The following SLC7A2 variants were observed in gnomAD, a reference collection of about 807,000 sequenced individuals.
SLC7A2 encodes the protein cationic amino acid transporter 2.
SLC7A2 carries 48 observed loss-of-function variants against 58.9 expected under a neutral mutation model. The observed-to-expected ratio is 0.82, with a 90% CI of 0.65 to 1.04. The LOEUF (loss-of-function observed/expected upper bound fraction) is 1.04. SLC7A2 is among the 50% of genes least tolerant of loss of function. The probability of loss-of-function intolerance (pLI) is 0.00; values close to 1 mark genes in which losing one functional copy is unlikely to be tolerated. For missense variants in SLC7A2, 1,029 were observed against 818.8 expected (o/e 1.26, Z -3.13); for synonymous variants, 363 against 314.5 (o/e 1.15, Z -1.63).
chr8:17,547,345 G>T (rs1432100209), intron 4 of SLC7A2, among the ~76,000 whole-genome samples: 1 of 152,062 alleles, frequency 6.6e-6, no homozygotes, highest in Admixed American at 6.6e-5. Context: ...GAACAGCACA[G>T]AAAACCTGCC....
At chr8:17,526,001 G>A (rs1303902874) in intron 2 of SLC7A2, among the ~76,000 whole-genome samples, 1 of 152,006 alleles carries the variant, frequency 6.6e-6, no homozygotes, top group African/African-American at 2.4e-5. Flanking sequence ...ACTAGCTAGT[G>A]GACTCAATCT....
intron 12 of SLC7A2, among the ~76,000 whole-genome samples, chr8:17,563,935 T>C (rs1803145550): frequency 1.3e-5 from 2 of 152,214 alleles, no homozygotes; most frequent in East Asian, 1.9e-4. Context: ...CTTCTACTTA[T>C]GGGTGAAAAA....
intron 2 of SLC7A2, among the ~76,000 whole-genome samples, chr8:17,542,355 G>A (rs914790938): frequency 1.3e-5 from 2 of 152,082 alleles, no homozygotes; most frequent in African/African-American, 4.8e-5. Context: ...ATTTAGTAAG[G>A]CCTGAAAAAT....
At chr8:17,561,906 C>T (rs573102921) in intron 10 of SLC7A2, 38 bp from the exon 11 acceptor site, 2 of 1,603,950 alleles carry the variant, frequency 1.2e-6, no homozygotes, top group Admixed American at 1.7e-5. Flanking sequence ...GGGTGGAGCA[C>T]AGTGTGCTGA....
intron 2 of SLC7A2, among the ~76,000 whole-genome samples, chr8:17,530,573 ATTTTTTTT>A (rs11389186): frequency 3.0e-4 from 42 of 140,476 alleles, no homozygotes; most frequent in African/African-American, 1.0e-3. Context: ...GAGTAAATAG[ATTTTTTTT>A]TTTTTTTTTG....
chr8:17,553,972 T>C (rs1802571702), intron 7 of SLC7A2, among the ~76,000 whole-genome samples: 1 of 152,200 alleles, frequency 6.6e-6, no homozygotes, highest in South Asian at 2.1e-4. Flanking sequence ...ATCTGTATAC[T>C]ACATTTACGT....
intron 2 of SLC7A2, among the ~76,000 whole-genome samples, chr8:17,510,303 T>C (rs1387488203): frequency 6.6e-5 from 10 of 151,920 alleles, no homozygotes; most frequent in Admixed American, 4.6e-4. Flanking sequence ...TGCAGAAACG[T>C]CAAAATTGCC....
chr8:17,545,133 T>C (rs1005635149), intron 4 of SLC7A2, among the ~76,000 whole-genome samples: 1 of 152,200 alleles, frequency 6.6e-6, no homozygotes, highest in Non-Finnish European at 1.5e-5. Context: ...CCAGTTTTTG[T>C]CAGTATTGTA....
chr8:17,551,035 C>T (rs991905286), intron 6 of SLC7A2, among the ~76,000 whole-genome samples: 1 of 152,164 alleles, frequency 6.6e-6, no homozygotes, highest in Non-Finnish European at 1.5e-5. Flanking sequence ...GAAATAACTT[C>T]ATCTGAAGCC....
In SLC7A2 at chr8:17,544,954, T is replaced by C. The variant is rs542611339; in HGVS notation, c.532+348T>C. On this transcript the variant is annotated intron_variant, in intron 4 of 12. Transcript: ENST00000494857. The stretch of plus-strand genomic sequence containing the variant: ...GTAATTTCTTGGCATTATTTCATCT[T>C]GCTAGATACAACTAGGGATATTTGC... Among the ~76,000 whole-genome samples the C allele has an allele frequency of 3.3e-5, 5 of 152,336 alleles. No homozygotes were observed. The South Asian group carries it at 1.0e-3, about 32-fold the overall frequency.
At chr8:17,508,266 GA>G (rs1324208763) in intron 2 of SLC7A2, among the ~76,000 whole-genome samples, 1 of 152,120 alleles carries the variant, frequency 6.6e-6, no homozygotes, top group Non-Finnish European at 1.5e-5. Flanking sequence ...TTTGAATAAT[GA>G]ATAACATATT....
intron 8 of SLC7A2, among the ~76,000 whole-genome samples, chr8:17,556,881 T>C (rs914762772): frequency 6.6e-6 from 1 of 152,108 alleles, no homozygotes; most frequent in Admixed American, 6.5e-5. Flanking sequence ...ACTGCAGGGA[T>C]TACAGGTGTG....
chr8:17,546,818 A>G (rs1335620014), intron 4 of SLC7A2, among the ~76,000 whole-genome samples: 1 of 152,178 alleles, frequency 6.6e-6, no homozygotes, highest in Non-Finnish European at 1.5e-5. Flanking sequence ...TTTCACAGCA[A>G]TCATTTGCTC....
At position 17,560,514 on chromosome 8, in the gene SLC7A2, C is replaced by G; in HGVS notation, c.1485C>G (p.Ser495Arg). The G allele has an allele frequency of 1.2e-6, 2 of 1,613,820 alleles. No homozygotes were observed. Among genetic ancestry groups the G allele is most frequent in the Middle Eastern group, 1.7e-4 (1 of 6,052 alleles). Reference sequence around the variant, plus strand: ...CACAGCAGTCAGCTTCTCTCGTGAGCTTTCTGGTAGGATTCCTAGGTAAGT... The same window carrying G: ...CACAGCAGTCAGCTTCTCTCGTGAGGTTTCTGGTAGGATTCCTAGGTAAGT... ...LPTQQSASLV[S>R]FLVGFLAFLV... Residue 495 changes from serine to arginine, a missense_variant, in exon 10 of 13, where the codon AGC (serine) becomes AGG (arginine). Coordinates refer to ENST00000494857, the MANE Select transcript of SLC7A2 (RefSeq NM_001370338.1).
intron 2 of SLC7A2, among the ~76,000 whole-genome samples, chr8:17,508,713 CA>C (rs563674210): frequency 6.7e-6 from 1 of 150,156 alleles, no homozygotes; most frequent in Non-Finnish European, 1.5e-5. Context: ...GACTCTGTCT[CA>C]AAAAAAATAA....
intron 2 of SLC7A2, among the ~76,000 whole-genome samples, chr8:17,512,303 T>C (rs1800636156): frequency 6.6e-6 from 1 of 151,616 alleles, no homozygotes; most frequent in Non-Finnish European, 1.5e-5. Context: ...TCCTAGCACT[T>C]TGGGAGGCCA....
chr8:17,525,782 G>T (rs555523992), intron 2 of SLC7A2, among the ~76,000 whole-genome samples: 2 of 152,152 alleles, frequency 1.3e-5, no homozygotes, highest in African/African-American at 4.8e-5. Context: ...TCCTGCAAGC[G>T]GGATTTGCTG....
intron 10 of SLC7A2, among the ~76,000 whole-genome samples, chr8:17,561,223 AAGACATACCCAAGACTGGGT>A: frequency 6.6e-6 from 1 of 152,160 alleles, no homozygotes; most frequent in Non-Finnish European, 1.5e-5. Flanking sequence ...ACTGCTAGTA[AAGACATACCCAAGACTGGGT>A]AAATTATAAA....
At chr8:17,556,183 T>C (rs921348025) in intron 8 of SLC7A2, among the ~76,000 whole-genome samples, 5 of 152,212 alleles carry the variant, frequency 3.3e-5, no homozygotes, top group Admixed American at 2.6e-4. Flanking sequence ...GCCCAGATGA[T>C]GTGAAGCCCA....
Sources: allele counts gnomAD v4.1 joint callset (sites outside exome capture counted in the v4.1 genomes callset), GRCh38; gene constraint gnomAD v4.1.1; transcripts MANE v1.5; gene names NCBI Gene and HGNC (gene_info 2026-07-23, HGNC 2026-07-21).